Variants in RYR3 observed in about 807,000 individuals in gnomAD.
RYR3 encodes ryanodine receptor 3, also known as brain ryanodine receptor-calcium release channel.
In RYR3, 207 loss-of-function variants were observed where a neutral mutation model predicts 584.3. The ratio of observed to expected loss-of-function variants is 0.35; its 90% CI spans 0.32 to 0.40. The LOEUF is 0.40. Among genes scored for constraint, RYR3 ranks in the 10% least tolerant of loss-of-function variants. The pLI is 1.00. For missense variants in RYR3, 5,616 were observed against 6,089.2 expected (o/e 0.92, Z 2.59); for synonymous variants, 2,416 against 2,248.5 (o/e 1.07, Z -2.11).
intron 93 of RYR3, chr15:33,846,936 A>T (rs962976207): frequency 5.9e-5 from 9 of 152,258 alleles, no homozygotes; most frequent in African/African-American, 2.2e-4. Flanking sequence ...GATGGAGTAC[A>T]GATTATACTG....
chr15:33,852,859 T>G, intron 94 of RYR3, 186 bp from the exon 95 acceptor site: 1 of 552,926 alleles, frequency 1.8e-6, no homozygotes, highest in Non-Finnish European at 3.3e-6. Flanking sequence ...TACAAAGTAA[T>G]GAAGCCATAC....
At chr15:33,718,124 C>T (rs1302378517) in intron 43 of RYR3, among the ~76,000 whole-genome samples, 1 of 152,192 alleles carries the variant, frequency 6.6e-6, no homozygotes, top group East Asian at 1.9e-4. Context: ...AGTGTCAGTA[C>T]ATTCATTCAT....
At chr15:33,629,229 A>G (rs1173673405) in intron 21 of RYR3, among the ~76,000 whole-genome samples, 1 of 152,150 alleles carries the variant, frequency 6.6e-6, no homozygotes, top group African/African-American at 2.4e-5. Flanking sequence ...GCATTCAACA[A>G]ATGTTTGTTG....
chr15:33,704,884 A>G (rs985890693), intron 42 of RYR3, among the ~76,000 whole-genome samples: 1 of 152,186 alleles, frequency 6.6e-6, no homozygotes, highest in Non-Finnish European at 1.5e-5. Context: ...GTTTTCAAGT[A>G]GTTGGGGTGG....
chr15:33,372,783 GGCGTGAGCCATAGC>G (rs2040437072), intron 1 of RYR3, among the ~76,000 whole-genome samples: 1 of 152,336 alleles, frequency 6.6e-6, no homozygotes, highest in East Asian at 1.9e-4. Flanking sequence ...TAGGATTATA[GGCGTGAGCCATAGC>G]GCCCTGCCCA....
At chr15:33,384,557 T>A (rs996362236) in intron 1 of RYR3, among the ~76,000 whole-genome samples, 46 of 144,166 alleles carry the variant, frequency 3.2e-4, no homozygotes, top group African/African-American at 1.1e-3. Flanking sequence ...TTTAAATTAA[T>A]ATATACTTAC....
At chr15:33,432,791 A>T (rs1463840640) in intron 1 of RYR3, among the ~76,000 whole-genome samples, 2 of 151,562 alleles carry the variant, frequency 1.3e-5, no homozygotes, top group Non-Finnish European at 2.9e-5. Flanking sequence ...AAGTGCTAGG[A>T]TTACAGGCGT....
intron 1 of RYR3, among the ~76,000 whole-genome samples, chr15:33,457,771 G>A (rs951614217): frequency 6.6e-6 from 1 of 152,058 alleles, no homozygotes; most frequent in South Asian, 2.1e-4. Context: ...TGGTGGATAC[G>A]CTAAATACCC....
intron 67 of RYR3, among the ~76,000 whole-genome samples, chr15:33,794,306 T>TATACATATATATATG (rs1446855739): frequency 5.3e-3 from 167 of 31,424 alleles, no homozygotes; most frequent in Non-Finnish European, 0.015. Flanking sequence ...TATATATATA[T>TATACATATATATATG]TTTTATATAT....
Position 33,797,640 on chromosome 15 carries a change from C to T in RYR3, c.9831-3130C>T, listed in dbSNP as rs146781738. On this transcript the variant is annotated intron_variant, in intron 67 of 103. Coordinates refer to ENST00000634891, the MANE Select transcript of RYR3 (RefSeq NM_001036.6). ...GTTCAGCTGAAACCGCATTCTCACACGAAGGCAACAAGATGAAAATCCTCT... is the reference window on the plus strand; with the variant it reads ...GTTCAGCTGAAACCGCATTCTCACATGAAGGCAACAAGATGAAAATCCTCT... 2.4e-3 allele frequency among the ~76,000 whole-genome samples: 366 copies of T among 152,250 alleles called. 1 individual carries two copies. Among genetic ancestry groups the T allele is most frequent in the Middle Eastern group, 3.4e-3 (1 of 294 alleles).
intron 19 of RYR3, among the ~76,000 whole-genome samples, chr15:33,615,238 A>T (rs972901863): frequency 6.6e-6 from 1 of 152,166 alleles, no homozygotes; most frequent in Admixed American, 6.5e-5. Flanking sequence ...AGGAGCTGAG[A>T]TCTGGGATCA....
In RYR3 at chr15:33,372,731, C is replaced by A. The variant is rs545352776; in HGVS notation, c.51+61635C>A. Among the ~76,000 whole-genome samples the A allele has an allele frequency of 1.4e-4, 22 of 152,234 alleles. No homozygotes were observed. In the South Asian group the frequency reaches 4.6e-3, roughly 32 times the overall value. Reference sequence around the variant, plus strand: ...ATGTTGCCCAGGCTGGTCTCGAACTCCTGAGCTCAGGCAATCCACCCACCT... The same window carrying A: ...ATGTTGCCCAGGCTGGTCTCGAACTACTGAGCTCAGGCAATCCACCCACCT... On this transcript the variant is annotated intron_variant, in intron 1 of 103. Transcript: ENST00000634891.
At chr15:33,805,615 C>G (rs200965218) in intron 69 of RYR3, among the ~76,000 whole-genome samples, 1 of 151,840 alleles carries the variant, frequency 6.6e-6, no homozygotes, top group Non-Finnish European at 1.5e-5. Context: ...GTAGCTGGGA[C>G]TACAGGTGCC....
rs1025586732 is a variant in RYR3, at chr15:33,459,031, A to G, written c.52-14388A>G. 3.3e-5 allele frequency among the ~76,000 whole-genome samples: 5 copies of G among 152,218 alleles called. No homozygotes were observed. The South Asian group carries it at 1.0e-3, about 32-fold the overall frequency. ...CAGCTGTCACTTCTGACCTGAGTCA[A>G]TGGAGGAGTCCTCCATCCTCACTGG... is the stretch of plus-strand genomic sequence containing the variant. On this transcript the variant is annotated intron_variant, in intron 1 of 103. Coordinates refer to ENST00000634891, the MANE Select transcript of RYR3 (RefSeq NM_001036.6).
chr15:33,458,240 C>T (rs773546986), intron 1 of RYR3, among the ~76,000 whole-genome samples: 2 of 152,094 alleles, frequency 1.3e-5, no homozygotes, highest in African/African-American at 4.8e-5. Flanking sequence ...ACACTTTGTA[C>T]TCACCCTCCC....
chr15:33,862,262 G>C (rs12148517), intron 102 of RYR3, among the ~76,000 whole-genome samples: 98,060 of 152,068 alleles, frequency 0.64, 32,923 homozygotes, highest in Non-Finnish European at 0.75. Context: ...GCCCAGGCTC[G>C]AGTGCAGTGG....
chr15:33,382,677 G>T (rs2041289579), intron 1 of RYR3, among the ~76,000 whole-genome samples: 2 of 152,044 alleles, frequency 1.3e-5, no homozygotes, highest in African/African-American at 4.8e-5. Flanking sequence ...GTAGATCTGT[G>T]TACATTCATA....
rs749813966 is a variant in RYR3, at chr15:33,572,563, G to T, written c.1268+5764G>T. Among the ~76,000 whole-genome samples the T allele has an allele frequency of 4.0e-5, 6 of 151,508 alleles. No homozygotes were observed. The South Asian group carries it at 8.4e-4, about 21-fold the overall frequency. ...TGGAGCTGTTTTGCCATGAGGCGGT[G>T]GGGGGAGGGAGATGGAAGCATCAAC... On this transcript the variant is annotated intron_variant, in intron 12 of 103. Transcript: ENST00000634891.
chr15:33,501,105 T>C (rs767653834), intron 2 of RYR3, among the ~76,000 whole-genome samples: 1 of 152,146 alleles, frequency 6.6e-6, no homozygotes, highest in African/African-American at 2.4e-5. Flanking sequence ...GTGCTCCCAT[T>C]TGAGAGGCTT....
Sources: gnomAD v4.1 joint callset for allele counts (sites outside exome capture counted in the v4.1 genomes callset) on GRCh38, gnomAD v4.1.1 for gene constraint, MANE v1.5 for transcripts, NCBI Gene and HGNC (gene_info 2026-07-23, HGNC 2026-07-21) for gene names.